Variants in DRC12 observed in about 807,000 individuals in gnomAD.
DRC12 encodes dynein regulatory complex subunit 12 homolog, also known as dynein regulatory complex protein 12.
At chr11:119,195,202 T>C in the DRC12 span, 3 of 628,536 alleles carry the variant, frequency 4.8e-6, no homozygotes, top group African/African-American at 1.8e-5. Flanking sequence ...ATGACAAATA[T>C]ATTAGGAAGG....
the DRC12 span, chr11:119,190,489 AGAGG>A: frequency 6.2e-7 from 1 of 1,612,446 alleles, no homozygotes; most frequent in South Asian, 1.1e-5. The surrounding 1 kb of genome is among the most constrained non-coding windows in gnomAD (Gnocchi z 4.2). Flanking sequence ...AGAAAGAGAG[AGAGG>A]GAAGGAGTGA....
the DRC12 span, among the ~76,000 whole-genome samples, chr11:119,191,256 T>C: frequency 6.6e-6 from 1 of 151,840 alleles, no homozygotes; most frequent in Non-Finnish European, 1.5e-5. Context: ...CATGCCACCA[T>C]GCCCAGCTAA....
At chr11:119,193,318 G>T in the DRC12 span, 1 of 1,290,778 alleles carries the variant, frequency 7.7e-7, no homozygotes, top group Non-Finnish European at 1.1e-6. Flanking sequence ...GAAGTTGTGG[G>T]TGGGGAAGAC....
the DRC12 span, among the ~76,000 whole-genome samples, chr11:119,192,759 G>C: frequency 8.5e-5 from 13 of 152,258 alleles, no homozygotes; most frequent in Admixed American, 7.2e-4. Flanking sequence ...CGATTCTCCT[G>C]CTTCAGCCTC....
chr11:119,193,525 T>C, the DRC12 span: 2 of 1,334,526 alleles, frequency 1.5e-6, no homozygotes, highest in African/African-American at 1.5e-5. Flanking sequence ...TGCATGTGTA[T>C]CCTACACAGC....
chr11:119,192,346 T>G, the DRC12 span, among the ~76,000 whole-genome samples: 1 of 152,224 alleles, frequency 6.6e-6, no homozygotes, highest in African/African-American at 2.4e-5. Context: ...TGCTGAGATA[T>G]TTCAACATTA....
the DRC12 span, chr11:119,195,320 CCAT>C: frequency 1.9e-6 from 2 of 1,072,612 alleles, no homozygotes; most frequent in Admixed American, 4.4e-5. Flanking sequence ...CAAGAGAGCT[CCAT>C]CCTGTCCTGC....
chr11:119,193,425 G>T, the DRC12 span: 1 of 874,774 alleles, frequency 1.1e-6, no homozygotes, highest in Non-Finnish European at 1.7e-6. Flanking sequence ...GAAGGGACAG[G>T]AAGCCCGACC....
chr11:119,194,430 C>T, the DRC12 span, among the ~76,000 whole-genome samples: 5 of 134,940 alleles, frequency 3.7e-5, no homozygotes, highest in Non-Finnish European at 7.7e-5. Flanking sequence ...AGGAGAATCG[C>T]TTGAACCTGG....
chr11:119,191,503 G>T, the DRC12 span, among the ~76,000 whole-genome samples: 1 of 151,838 alleles, frequency 6.6e-6, no homozygotes, highest in Non-Finnish European at 1.5e-5. Flanking sequence ...TACAGGAGGT[G>T]CTCAGTAAAC....
chr11:119,190,858 G>T, the DRC12 span: 3 of 1,607,540 alleles, frequency 1.9e-6, no homozygotes, highest in Admixed American at 3.3e-5. The surrounding 1 kb of genome is among the most constrained non-coding windows in gnomAD (Gnocchi z 4.2). Context: ...CAGGCAGGAT[G>T]AAAGAGAGCA....
At chr11:119,190,694 AG>A in the DRC12 span, 2 of 1,610,114 alleles carry the variant, frequency 1.2e-6, no homozygotes, top group Non-Finnish European at 8.5e-7. This position sits in a 1 kb window ranked among gnomAD's most constrained non-coding sequence, Gnocchi z 4.2. Flanking sequence ...GCTGGGATCC[AG>A]GGGGTGGTGC....
At chr11:119,190,718 T>C in the DRC12 span, 1 of 1,613,716 alleles carries the variant, frequency 6.2e-7, no homozygotes, top group Non-Finnish European at 8.5e-7. This position sits in a 1 kb window ranked among gnomAD's most constrained non-coding sequence, Gnocchi z 4.2. Context: ...ACGTGTAAGA[T>C]TTCCTCATAC....
chr11:119,194,535 A>AT, the DRC12 span, among the ~76,000 whole-genome samples: 386 of 133,460 alleles, frequency 2.9e-3, 3 homozygotes, highest in African/African-American at 9.1e-3. Context: ...AAAAAAAAAA[A>AT]AAAAAAAAAA....
chr11:119,194,541 A>AAAAAAAAAAAAAAG, the DRC12 span, among the ~76,000 whole-genome samples: 9 of 66,002 alleles, frequency 1.4e-4, 1 homozygote, highest in Non-Finnish European at 2.0e-4. Flanking sequence ...AAAAAAAAAA[A>AAAAAAAAAAAAAAG]AAAATAAATA....
At chr11:119,195,476 T>G in the DRC12 span, 3 of 1,551,490 alleles carry the variant, frequency 1.9e-6, no homozygotes, top group Non-Finnish European at 2.6e-6. Flanking sequence ...TTTCTTTGTT[T>G]TTAGGTGGCA....
the DRC12 span, among the ~76,000 whole-genome samples, chr11:119,194,296 C>A: frequency 6.6e-6 from 1 of 151,886 alleles, no homozygotes; most frequent in Admixed American, 6.6e-5. Flanking sequence ...TGGTGGGACA[C>A]AAGGTCAAGA....
the DRC12 span, among the ~76,000 whole-genome samples, chr11:119,194,541 A>AAT: frequency 6.1e-5 from 4 of 66,026 alleles, no homozygotes; most frequent in East Asian, 1.2e-3. Flanking sequence ...AAAAAAAAAA[A>AAT]AAAATAAATA....
the DRC12 span, among the ~76,000 whole-genome samples, chr11:119,192,400 T>A: frequency 6.6e-6 from 1 of 152,256 alleles, no homozygotes; most frequent in African/African-American, 2.4e-5. Context: ...TCCTGGTTTT[T>A]AAAAATATTT....
Sources: allele counts gnomAD v4.1 joint callset (sites outside exome capture counted in the v4.1 genomes callset), GRCh38; gene constraint gnomAD v4.1.1; non-coding constraint Gnocchi (gnomAD v3.1); transcripts MANE v1.5; gene names NCBI Gene and HGNC (gene_info 2026-07-23, HGNC 2026-07-21).